Variants in KCNB2 observed in about 807,000 individuals in gnomAD.
The protein encoded by KCNB2 is potassium voltage-gated channel subfamily B member 2, also known as delayed rectifier potassium channel protein.
In KCNB2, 15 loss-of-function variants were observed where a neutral mutation model predicts 61.5. The ratio of observed to expected loss-of-function variants is 0.24; its 90% CI spans 0.16 to 0.38. The LOEUF (loss-of-function observed/expected upper bound fraction) is 0.38, where lower values mean the gene tolerates loss of function less well. Ranked by LOEUF, KCNB2 falls within the 10% of genes least tolerant of loss-of-function variation. KCNB2 has a pLI of 1.00. For synonymous variants in KCNB2, 457 were observed against 446.0 expected, an observed-to-expected ratio of 1.02 and a Z score of -0.31; for missense variants, 828 against 1,125.2, an observed-to-expected ratio of 0.74 and a Z score of 3.78.
chr8:72,894,702 A>T (rs1487742884), intron 2 of KCNB2, among the ~76,000 whole-genome samples: 3 of 152,102 alleles, frequency 2.0e-5, no homozygotes, highest in East Asian at 3.9e-4. Flanking sequence ...GACTGGTCTA[A>T]ACTCCATTTC....
At chr8:72,581,233 T>C (rs1304176115) in intron 2 of KCNB2, among the ~76,000 whole-genome samples, 2 of 152,224 alleles carry the variant, frequency 1.3e-5, no homozygotes, top group African/African-American at 4.8e-5. Context: ...CACACACCTA[T>C]GGCCACCACT....
chr8:72,594,036 C>T (rs538661998), intron 2 of KCNB2, among the ~76,000 whole-genome samples: 4 of 151,946 alleles, frequency 2.6e-5, no homozygotes, highest in Admixed American at 6.6e-5. Flanking sequence ...TGCTAGATAC[C>T]GTAAGGGTAG....
chr8:72,673,318 C>T (rs1236753710), intron 2 of KCNB2, among the ~76,000 whole-genome samples: 1 of 152,122 alleles, frequency 6.6e-6, no homozygotes, highest in East Asian at 1.9e-4. Flanking sequence ...CAGTTTCCCC[C>T]GTCCTGTTCT....
chr8:72,848,556 T>C (rs570019568), intron 2 of KCNB2, among the ~76,000 whole-genome samples: 2 of 152,344 alleles, frequency 1.3e-5, no homozygotes, highest in Admixed American at 1.3e-4. Flanking sequence ...ATGCTTACTC[T>C]CAATTCTGTT....
intron 2 of KCNB2, among the ~76,000 whole-genome samples, chr8:72,874,451 C>G (rs550133626): frequency 6.6e-6 from 1 of 152,096 alleles, no homozygotes; most frequent in Non-Finnish European, 1.5e-5. Flanking sequence ...TCTGCTTTCC[C>G]CCTAAGTCTG....
chr8:72,609,080 G>A (rs532231328), intron 2 of KCNB2, among the ~76,000 whole-genome samples: 1 of 152,200 alleles, frequency 6.6e-6, no homozygotes, highest in Non-Finnish European at 1.5e-5. Context: ...AGTATGAGAG[G>A]TTATGGTCTA....
intron 2 of KCNB2, among the ~76,000 whole-genome samples, chr8:72,697,320 ATCG>A (rs1472073078): frequency 1.3e-5 from 2 of 152,140 alleles, no homozygotes; most frequent in Non-Finnish European, 1.5e-5. Context: ...AAGTGTCATC[ATCG>A]TCATCATCAT....
chr8:72,663,444 G>T (rs1349778996), intron 2 of KCNB2, among the ~76,000 whole-genome samples: 1 of 152,174 alleles, frequency 6.6e-6, no homozygotes, highest in Non-Finnish European at 1.5e-5. Context: ...TTTGCACACT[G>T]CTTCGCTAAG....
At chr8:72,673,589 A>T (rs1806601357) in intron 2 of KCNB2, among the ~76,000 whole-genome samples, 1 of 152,194 alleles carries the variant, frequency 6.6e-6, no homozygotes, top group Non-Finnish European at 1.5e-5. Flanking sequence ...TGTGTTATAG[A>T]CTACAATGGA....
At chr8:72,900,696 G>A (rs1806074090) in intron 2 of KCNB2, among the ~76,000 whole-genome samples, 1 of 151,966 alleles carries the variant, frequency 6.6e-6, no homozygotes, top group Admixed American at 6.6e-5. Flanking sequence ...GACATGAACA[G>A]GCACTTCTCA....
chr8:72,569,933 G>C (rs772608793), intron 2 of KCNB2, among the ~76,000 whole-genome samples: 2 of 152,044 alleles, frequency 1.3e-5, no homozygotes, highest in Non-Finnish European at 2.9e-5. Flanking sequence ...TGGTTTATTT[G>C]TTCATAATGA....
At chr8:72,799,627 A>G (rs1423661108) in intron 2 of KCNB2, among the ~76,000 whole-genome samples, 3 of 152,172 alleles carry the variant, frequency 2.0e-5, no homozygotes, top group African/African-American at 7.2e-5. Flanking sequence ...ATGACCATAG[A>G]GTTACAATGT....
At chr8:72,773,521 G>C (rs1413059190) in intron 2 of KCNB2, among the ~76,000 whole-genome samples, 1 of 152,142 alleles carries the variant, frequency 6.6e-6, no homozygotes, top group African/African-American at 2.4e-5. Context: ...CATTAGGCTG[G>C]CTCCAGAATT....
chr8:72,611,729 C>A (rs1270211101), intron 2 of KCNB2, among the ~76,000 whole-genome samples: 1 of 152,126 alleles, frequency 6.6e-6, no homozygotes, highest in Non-Finnish European at 1.5e-5. Context: ...CTGCCAATTG[C>A]AACTTTTTGC....
At chr8:72,806,255 G>A (rs1174355184) in intron 2 of KCNB2, among the ~76,000 whole-genome samples, 1 of 151,802 alleles carries the variant, frequency 6.6e-6, no homozygotes, top group Non-Finnish European at 1.5e-5. Flanking sequence ...CTACTTGGGA[G>A]GCTGAGGCAG....
At chr8:72,634,762 A>C (rs1243981149) in intron 2 of KCNB2, among the ~76,000 whole-genome samples, 3 of 152,238 alleles carry the variant, frequency 2.0e-5, no homozygotes, top group Non-Finnish European at 4.4e-5. Context: ...TGATTCAAAT[A>C]GGTTCTTGAT....
chr8:72,834,603 G>C (rs1809750994), intron 2 of KCNB2, among the ~76,000 whole-genome samples: 1 of 152,152 alleles, frequency 6.6e-6, no homozygotes, highest in African/African-American at 2.4e-5. Flanking sequence ...CCTAGAGCAG[G>C]CTTCCAAGGA....
intron 2 of KCNB2, chr8:72,749,258 A>G (rs568879835): frequency 6.6e-6 from 1 of 152,220 alleles, no homozygotes; most frequent in Admixed American, 6.5e-5. Context: ...AGCTGGGACT[A>G]TAGGCACATG....
At position 72,800,467 on chromosome 8, in the gene KCNB2, G is replaced by A. The variant is rs533429052; in HGVS notation, c.580-135468G>A. Among the ~76,000 whole-genome samples the A allele has an allele frequency of 7.7e-4, 117 of 152,238 alleles. No homozygotes were observed. In the Middle Eastern group the frequency reaches 0.014, roughly 18 times the overall value. ...AAATTTGAATTTTGTATGATAAAAA[G>A]ATTCCTGAAGTAGTTTGTTTATTCT... On this transcript the variant is annotated intron_variant, in intron 2 of 2. Coordinates refer to ENST00000523207, the MANE Select transcript of KCNB2 (RefSeq NM_004770.3).
Sources: gnomAD v4.1 joint callset for allele counts (sites outside exome capture counted in the v4.1 genomes callset) on GRCh38, gnomAD v4.1.1 for gene constraint, MANE v1.5 for transcripts, NCBI Gene and HGNC (gene_info 2026-07-23, HGNC 2026-07-21) for gene names.